The following FBXO42 variants were observed in gnomAD, a reference collection of about 807,000 sequenced individuals.
FBXO42 encodes the protein F-box protein 42.
FBXO42 carries 12 observed loss-of-function variants against 71.7 expected under a neutral mutation model. The ratio of observed to expected loss-of-function variants is 0.17; its 90% CI spans 0.11 to 0.27. The LOEUF is 0.27. Among genes scored for constraint, FBXO42 ranks in the 10% least tolerant of loss-of-function variants. The pLI is 1.00. For missense variants in FBXO42, 707 were observed against 911.9 expected (o/e 0.78, Z 2.89); for synonymous variants, 325 against 327.5 (o/e 0.99, Z 0.08).
intron 4 of FBXO42, among the ~76,000 whole-genome samples, chr1:16,278,770 TC>T (rs1260685730): frequency 6.6e-6 from 1 of 152,116 alleles, no homozygotes; most frequent in East Asian, 1.9e-4. Context: ...CAGTTATTTC[TC>T]TTTTTTTCTT....
At chr1:16,283,496 T>TTTTTTTTTTTTG (rs2081987838) in intron 4 of FBXO42, among the ~76,000 whole-genome samples, 1 of 94,052 alleles carries the variant, frequency 1.1e-5, no homozygotes. Flanking sequence ...TGTGGCAAGT[T>TTTTTTTTTTTTG]TTTTTTTTTT....
At chr1:16,253,276 C>A (rs763517716) in intron 7 of FBXO42, 124 bp from the exon 8 acceptor site, 10 of 733,042 alleles carry the variant, frequency 1.4e-5, no homozygotes, top group Non-Finnish European at 2.2e-5. Flanking sequence ...TTACCATAAC[C>A]TCTCCATTCT....
At chr1:16,303,241 G>A (rs1270330900) in intron 3 of FBXO42, among the ~76,000 whole-genome samples, 3 of 152,110 alleles carry the variant, frequency 2.0e-5, no homozygotes, top group South Asian at 2.1e-4. Context: ...GCACACTAAC[G>A]CTGAAGCTTG....
chr1:16,309,022 C>T (rs535898541), intron 2 of FBXO42, among the ~76,000 whole-genome samples: 36 of 126,676 alleles, frequency 2.8e-4, no homozygotes, highest in Non-Finnish European at 5.3e-4. Flanking sequence ...GGATTACAGG[C>T]GTGAGCCACC....
intron 1 of FBXO42, among the ~76,000 whole-genome samples, chr1:16,347,992 C>CAAAAAAAAAAAAAAAAA (rs541561756): frequency 1.5e-5 from 1 of 67,754 alleles, no homozygotes; most frequent in Non-Finnish European, 3.0e-5. Flanking sequence ...GACTCCGTCT[C>CAAAAAAAAAAAAAAAAA]AAAAAAAAAA....
In FBXO42 at chr1:16,302,605, G is replaced by A. The variant is rs113470844; in HGVS notation, c.367+3198C>T. 6.1e-3 allele frequency among the ~76,000 whole-genome samples: 934 copies of A among 152,284 alleles called. 11 individuals are homozygous for A. The highest frequency in any genetic ancestry group is 0.021 in the African/African-American group (886 of 41,556). Reference sequence around the variant, plus strand: ...GCTCACTGCAACCTGCACCACAGGGGTTCAAGCAACTCTCCTGCCTCAGCC... The same window carrying A: ...GCTCACTGCAACCTGCACCACAGGGATTCAAGCAACTCTCCTGCCTCAGCC... On this transcript the variant is annotated intron_variant, in intron 3 of 9. Coordinates refer to ENST00000375592, the MANE Select transcript of FBXO42 (RefSeq NM_018994.3).
chr1:16,250,834 C>A lies in FBXO42; in HGVS notation c.1990G>T (p.Val664Leu). The change falls in exon 10 of 10, where the codon GTA (valine) becomes TTA (leucine). Residue 664 changes from valine (V) to leucine (L), a missense_variant. Transcript: ENST00000375592. The surrounding 1 kb of genome is among the most constrained non-coding windows in gnomAD (Gnocchi z 4.7). ...TKEKGRVKWK[V>L]FNSSSVVGPP... Reference sequence around the variant, plus strand: ...CCAACCACAGAACTGCTATTAAATACTTTCCATTTGACCCGCCCCTTCTCC... The same window carrying A: ...CCAACCACAGAACTGCTATTAAATAATTTCCATTTGACCCGCCCCTTCTCC... The A allele has an allele frequency of 6.2e-7, 1 of 1,614,210 alleles. No homozygotes were observed. Among genetic ancestry groups the A allele is most frequent in the Non-Finnish European group, 8.5e-7 (1 of 1,180,048 alleles).
chr1:16,300,801 G>A (rs1354425225), intron 3 of FBXO42, among the ~76,000 whole-genome samples: 1 of 151,424 alleles, frequency 6.6e-6, no homozygotes, highest in Non-Finnish European at 1.5e-5. Flanking sequence ...GGACTCAGGA[G>A]ACCCCCTACA....
intron 3 of FBXO42, among the ~76,000 whole-genome samples, chr1:16,299,937 C>T (rs768972544): frequency 6.6e-6 from 1 of 152,162 alleles, no homozygotes; most frequent in African/African-American, 2.4e-5. Flanking sequence ...GCCACCATGC[C>T]CGGCCACACT....
At chr1:16,281,156 T>C (rs931096353) in intron 4 of FBXO42, among the ~76,000 whole-genome samples, 7 of 152,130 alleles carry the variant, frequency 4.6e-5, no homozygotes, top group African/African-American at 1.7e-4. Flanking sequence ...GAGACGGGGT[T>C]TCTCCATGTT....
intron 3 of FBXO42, among the ~76,000 whole-genome samples, chr1:16,301,433 T>C (rs2082193095): frequency 6.6e-6 from 1 of 151,758 alleles, no homozygotes. Flanking sequence ...GAGGCTGAGA[T>C]GGGCAGATTT....
intron 1 of FBXO42, among the ~76,000 whole-genome samples, chr1:16,319,717 C>T (rs2082397136): frequency 6.6e-6 from 1 of 151,860 alleles, no homozygotes; most frequent in Admixed American, 6.6e-5. Flanking sequence ...TCGAGACCAG[C>T]CTGGCCAATA....
intron 3 of FBXO42, among the ~76,000 whole-genome samples, chr1:16,295,128 C>T (rs1359103126): frequency 6.6e-6 from 1 of 152,152 alleles, no homozygotes; most frequent in Non-Finnish European, 1.5e-5. Context: ...AATTTTATTT[C>T]TGAGCACACT....
At chr1:16,259,230 T>C (rs1183147700) in intron 4 of FBXO42, among the ~76,000 whole-genome samples, 1 of 152,338 alleles carries the variant, frequency 6.6e-6, no homozygotes, top group East Asian at 1.9e-4. Flanking sequence ...AGTAATATAA[T>C]GGTCTAGTTA....
At chr1:16,255,681 G>T (rs369515453) in intron 6 of FBXO42, 30 bp downstream of exon 6, 19 of 1,570,346 alleles carry the variant, frequency 1.2e-5, no homozygotes, top group Non-Finnish European at 1.7e-5. Flanking sequence ...TTACCTTCAG[G>T]CTCATATGGA....
Position 16,252,358 on chromosome 1 carries a change from G to T in FBXO42, c.968C>A (p.Ala323Asp). Residue 323 changes from alanine to aspartate, a missense_variant, in exon 9 of 10, where the codon GCC (alanine) becomes GAC (aspartate). This residue lies in a region of FBXO42 where 482 missense variants were observed against 587.1 expected (regional missense o/e 0.82). Transcript: ENST00000375592. This position sits in a 1 kb window ranked among gnomAD's most constrained non-coding sequence, Gnocchi z 4.4. ...WLLHMHSGPW[A>D]WQPLKVENEE... ...ATTTTCTACCTTGAGTGGCTGCCAG[G>T]CCCAAGGACCAGAATGCATGTGCAA... The T allele has an allele frequency of 6.2e-7, 1 of 1,614,146 alleles. No individual in the cohort carries two copies. The highest frequency in any genetic ancestry group is 8.5e-7 in the Non-Finnish European group (1 of 1,180,026).
intron 3 of FBXO42, among the ~76,000 whole-genome samples, chr1:16,295,361 A>G (rs2082117495): frequency 1.3e-5 from 2 of 152,124 alleles, no homozygotes; most frequent in African/African-American, 2.4e-5. Flanking sequence ...TTAAACCTGA[A>G]GCACAAATCA....
In FBXO42 at chr1:16,256,770, T is replaced by A. The variant is rs966076502; in HGVS notation, c.503-11A>T. ...GGGAAGGATAGGACCCTAGGGAAAG[T>A]CAGTAACACCATGGTTAGCATTCAG... On this transcript the variant is annotated splice_polypyrimidine_tract_variant and intron_variant, in intron 4 of 9. Coordinates refer to ENST00000375592, the MANE Select transcript of FBXO42 (RefSeq NM_018994.3). 1 of 1,613,476 alleles carries A rather than the reference T, an allele frequency of 6.2e-7. No individual in the cohort carries two copies. The highest frequency in any genetic ancestry group is 8.5e-7 in the Non-Finnish European group (1 of 1,179,574).
chr1:16,270,341 GC>G (rs910804626), intron 4 of FBXO42, among the ~76,000 whole-genome samples: 1 of 152,142 alleles, frequency 6.6e-6, no homozygotes, highest in Admixed American at 6.6e-5. Flanking sequence ...ACCATGGCAA[GC>G]CCCATCACTT....
Sources: allele counts gnomAD v4.1 joint callset (sites outside exome capture counted in the v4.1 genomes callset), GRCh38; gene constraint gnomAD v4.1.1; regional missense constraint gnomAD v4.1.1; non-coding constraint Gnocchi (gnomAD v3.1); transcripts MANE v1.5; gene names NCBI Gene and HGNC (gene_info 2026-07-23, HGNC 2026-07-21).